The following PANX2 variants were observed in gnomAD, a reference collection of about 807,000 sequenced individuals.
PANX2 encodes pannexin 2.
A neutral mutation model predicts 38.7 loss-of-function variants in PANX2; 30 were observed. The ratio of observed to expected loss-of-function variants is 0.78; its 90% CI spans 0.58 to 1.05. The LOEUF (loss-of-function observed/expected upper bound fraction) is 1.05, where lower values mean the gene tolerates loss of function less well. Ranked by LOEUF, PANX2 falls within the 50% of genes least tolerant of loss-of-function variation. PANX2 has a pLI of 0.00. For synonymous variants in PANX2, 539 were observed against 472.1 expected, an observed-to-expected ratio of 1.14 and a Z score of -1.84; for missense variants, 880 against 979.3, an observed-to-expected ratio of 0.90 and a Z score of 1.35.
In PANX2 at chr22:50,178,940, C is replaced by T. The variant is rs777537673; in HGVS notation, c.1697C>T (p.Pro566Leu). 19 of 1,568,168 alleles carry T rather than the reference C, an allele frequency of 1.2e-5. No homozygotes were observed. Among genetic ancestry groups the T allele is most frequent in the Non-Finnish European group, 1.6e-5 (18 of 1,155,354 alleles). ...TGCTCTTGGCTGTTTGCAGATGCTC[C>T]GCTCCCCGAGAAGGAAATCCCGTAC... Reference protein sequence around the residue: ...GLAPAPIKDAPLPEKEIPYPT... With the variant: ...GLAPAPIKDALLPEKEIPYPT... Residue 566 changes from proline to leucine, a missense_variant, in exon 3 of 3, where the codon CCG becomes CTG. Physicochemically the swap from Pro to Leu is moderately conservative, Grantham distance 98. This residue lies in a region of PANX2 where 445 missense variants were observed against 404.3 expected (regional missense o/e 1.10). Coordinates refer to ENST00000395842, the MANE Select transcript of PANX2 (RefSeq NM_052839.4).
intron 1 of PANX2, among the ~76,000 whole-genome samples, chr22:50,172,144 G>GCCCC (rs2063635846): frequency 1.3e-5 from 2 of 152,166 alleles, no homozygotes; most frequent in African/African-American, 4.8e-5. Context: ...CTTGGGGCAG[G>GCCCC]CCCAGCATGT....
chr22:50,175,729 C>T (rs2063657693), intron 1 of PANX2, among the ~76,000 whole-genome samples: 1 of 152,200 alleles, frequency 6.6e-6, no homozygotes, highest in South Asian at 2.1e-4. Context: ...GGTAGATGTG[C>T]CTCAGTGGTG....
At chr22:50,175,402 A>G (rs1203206968) in intron 1 of PANX2, 2 of 1,260,822 alleles carry the variant, frequency 1.6e-6, no homozygotes, top group East Asian at 1.2e-4. Context: ...TCAGGACGGG[A>G]CACAAACCTG....
chr22:50,178,410 C>A lies in PANX2; in HGVS notation c.1690+8C>A. 1.4e-6 allele frequency: 2 copies of A among 1,398,568 alleles called. No individual in the cohort carries two copies. Among genetic ancestry groups the A allele is most frequent in the Non-Finnish European group, 1.9e-6 (2 of 1,080,974 alleles). The allele number at this position is 1,398,568 out of a possible 1,614,324, so 86.6% of individuals were successfully genotyped here. A position where few individuals can be genotyped will look rare whatever the true frequency, so the allele number is the denominator to read the frequency against. On this transcript the variant is annotated splice_region_variant and intron_variant, in intron 2 of 2. Transcript: ENST00000395842. ...CCCCGGCGCCCATCAAAGGTAGGGG[C>A]AGGGCCGGAGAGAGGGGACGGGGGA...
rs1569068797 is a variant in PANX2, at chr22:50,178,193, G to GGC, written c.1481_1482insGC (p.Ala496ProfsTer61). 41 of 1,464,918 alleles carry GGC rather than the reference G, an allele frequency of 2.8e-5. No homozygotes were observed. The highest frequency in any genetic ancestry group is 1.1e-4 in the Admixed American group (4 of 37,888). The allele number at this position is 1,464,918 out of a possible 1,614,324, so 90.7% of individuals were successfully genotyped here. On this transcript the variant is annotated frameshift_variant, in exon 2 of 3. Transcript: ENST00000395842. LOFTEE classifies it high-confidence loss of function. ...GGCGGAGGGGGCGACCCGGGCCCCG[G>GGC]CCCCGCCCCTGCCCCCGCCCCGCCG...
chr22:50,178,477 G>A (rs1156251396), intron 2 of PANX2, 75 bp downstream of exon 2: 8 of 1,068,932 alleles, frequency 7.5e-6, no homozygotes, highest in Non-Finnish European at 1.0e-5. Context: ...CGGCCCACGG[G>A]AGCCTGGCCA....
Position 50,178,929 on chromosome 22 carries a change from T to C in PANX2, c.1691-5T>C. ...TGAGATGTCTGTGCTCTTGGCTGTT[T>C]GCAGATGCTCCGCTCCCCGAGAAGG... On this transcript the variant is annotated splice_polypyrimidine_tract_variant and splice_region_variant and intron_variant, in intron 2 of 2. Transcript: ENST00000395842. The C allele has an allele frequency of 1.3e-6, 2 of 1,558,824 alleles. No homozygotes were observed. The highest frequency in any genetic ancestry group is 1.7e-6 in the Non-Finnish European group (2 of 1,150,842).
chr22:50,177,240 C>G lies in PANX2; in HGVS notation c.528C>G (p.Ile176Met), dbSNP rs1204941419. Residue 176 changes from isoleucine (I) to methionine (M), a missense_variant, in exon 2 of 3, where the codon ATC becomes ATG. By Grantham distance (10) the Ile-to-Met change is conservative. Around this residue, in one of 4 missense-constraint regions of PANX2, gnomAD observed 243 missense variants for 333.1 expected, o/e 0.73. Transcript: ENST00000395842. ...HRAAEGRAPKIEKQIQSKGPG... is the reference protein window; with the variant it reads ...HRAAEGRAPKMEKQIQSKGPG... ...CGGCCGAGGGCCGCGCGCCCAAGAT[C>G]GAGAAGCAGATCCAGTCCAAGGGCC... 6.2e-7 allele frequency: 1 copy of G among 1,612,210 alleles called. No individual in the cohort carries two copies. Among genetic ancestry groups the G allele is most frequent in the East Asian group, 2.2e-5 (1 of 44,862 alleles).
chr22:50,171,945 C>A (rs994843767), intron 1 of PANX2, among the ~76,000 whole-genome samples: 1 of 152,228 alleles, frequency 6.6e-6, no homozygotes, highest in Non-Finnish European at 1.5e-5. Context: ...CTTAAGGAGT[C>A]CCCGTGGCCT....
intron 1 of PANX2, among the ~76,000 whole-genome samples, chr22:50,175,214 G>A (rs2063655516): frequency 6.6e-6 from 1 of 152,178 alleles, no homozygotes; most frequent in Non-Finnish European, 1.5e-5. Context: ...TCGGTGTGGG[G>A]CCCCTGCTTT....
At position 50,179,120 on chromosome 22, in the gene PANX2, T is replaced by C; in HGVS notation, c.1877T>C (p.Leu626Pro). ...AGCCGAAACGCCACACACCCGCTGC[T>C]GCACATCAACACGCTGTACGAGGCC... Reference protein sequence around the residue: ...ILSRNATHPLLHINTLYEARE... With the variant: ...ILSRNATHPLPHINTLYEARE... The change falls in exon 3 of 3, where the codon CTG becomes CCG. Residue 626 changes from leucine to proline, a missense_variant. Around this residue, in one of 4 missense-constraint regions of PANX2, gnomAD observed 445 missense variants for 404.3 expected, o/e 1.10. Coordinates refer to ENST00000395842, the MANE Select transcript of PANX2 (RefSeq NM_052839.4). The C allele has an allele frequency of 1.2e-6, 2 of 1,612,216 alleles. No individual in the cohort carries two copies. Among genetic ancestry groups the C allele is most frequent in the Non-Finnish European group, 1.7e-6 (2 of 1,179,610 alleles).
chr22:50,179,351 C>A lies in PANX2; in HGVS notation c.*74C>A. On this transcript the variant is annotated 3_prime_UTR_variant, in exon 3 of 3. Coordinates refer to ENST00000395842, the MANE Select transcript of PANX2 (RefSeq NM_052839.4). ...GGCCTGGCCAGCCTCCCGGTGGACACCAGCCCTGCGTGGACGTGGCCTGTG... is the reference window on the plus strand; with the variant it reads ...GGCCTGGCCAGCCTCCCGGTGGACAACAGCCCTGCGTGGACGTGGCCTGTG... 2.2e-6 allele frequency: 3 copies of A among 1,355,168 alleles called. No individual in the cohort carries two copies. Among genetic ancestry groups the A allele is most frequent in the East Asian group, 4.8e-5 (2 of 41,492 alleles). 83.9% of individuals were successfully genotyped at this position (1,355,168 alleles called of 1,614,324 possible). A position where few individuals can be genotyped will look rare whatever the true frequency, so the allele number is the denominator to read the frequency against.
At chr22:50,176,749 C>T (rs1475683930) in intron 1 of PANX2, among the ~76,000 whole-genome samples, 190 bp from the exon 2 acceptor site, 1 of 152,088 alleles carries the variant, frequency 6.6e-6, no homozygotes, top group Non-Finnish European at 1.5e-5. Flanking sequence ...GTAGTCAGGG[C>T]GGGACCCCCA....
At chr22:50,172,895 A>ATTTTT (rs1165494263) in intron 1 of PANX2, among the ~76,000 whole-genome samples, 28 of 87,082 alleles carry the variant, frequency 3.2e-4, no homozygotes, top group African/African-American at 1.0e-3. Context: ...CGCCTGGCTC[A>ATTTTT]TTTTTTTTTT....
At chr22:50,175,506 C>T in intron 1 of PANX2, 1 of 1,237,240 alleles carries the variant, frequency 8.1e-7, no homozygotes, top group Non-Finnish European at 1.1e-6. Flanking sequence ...GCCATTTTCT[C>T]AACCAAGAGA....
Position 50,179,297 on chromosome 22 carries a change from C to A in PANX2, c.*20C>A. ...TTTTGAGGGATGGCACCGTCCAGGC[C>A]GCCGAGAGCCCCTCTGCCTGTGTCG... is the stretch of plus-strand genomic sequence containing the variant. On this transcript the variant is annotated 3_prime_UTR_variant, in exon 3 of 3. Coordinates refer to ENST00000395842, the MANE Select transcript of PANX2 (RefSeq NM_052839.4). The A allele has an allele frequency of 6.3e-7, 1 of 1,597,176 alleles. No individual in the cohort carries two copies. The highest frequency in any genetic ancestry group is 8.6e-7 in the Non-Finnish European group (1 of 1,169,398).
chr22:50,179,370 G>A lies in PANX2; in HGVS notation c.*93G>A. The A allele has an allele frequency of 1.7e-6, 2 of 1,189,884 alleles. No individual in the cohort carries two copies. Among genetic ancestry groups the A allele is most frequent in the Non-Finnish European group, 2.4e-6 (2 of 832,306 alleles). 73.7% of individuals were successfully genotyped at this position (1,189,884 alleles called of 1,614,324 possible). A position where few individuals can be genotyped will look rare whatever the true frequency, so the allele number is the denominator to read the frequency against. ...TGGACACCAGCCCTGCGTGGACGTG[G>A]CCTGTGCTTCGCCCGCACTGCGCGC... On this transcript the variant is annotated 3_prime_UTR_variant, in exon 3 of 3. Coordinates refer to ENST00000395842, the MANE Select transcript of PANX2 (RefSeq NM_052839.4).
rs201092455 is a variant in PANX2, at chr22:50,179,288, C to T, written c.*11C>T. Reference sequence around the variant, plus strand: ...ACTGTGGAGTTTTGAGGGATGGCACCGTCCAGGCCGCCGAGAGCCCCTCTG... The same window carrying T: ...ACTGTGGAGTTTTGAGGGATGGCACTGTCCAGGCCGCCGAGAGCCCCTCTG... On this transcript the variant is annotated 3_prime_UTR_variant, in exon 3 of 3. Transcript: ENST00000395842. The T allele has an allele frequency of 3.7e-6, 6 of 1,605,930 alleles. No homozygotes were observed. Among genetic ancestry groups the T allele is most frequent in the Admixed American group, 1.7e-5 (1 of 59,662 alleles).
rs1234217985 is a variant in PANX2 at position 50,178,353 on chromosome 22, G to T, written c.1641G>T (p.Leu547=). 2 of 1,490,596 alleles carry T rather than the reference G, an allele frequency of 1.3e-6. No individual in the cohort carries two copies. The highest frequency in any genetic ancestry group is 1.3e-5 in the South Asian group (1 of 76,690). 92.3% of individuals were successfully genotyped at this position (1,490,596 alleles called of 1,614,324 possible). A position where few individuals can be genotyped will look rare whatever the true frequency, so the allele number is the denominator to read the frequency against. ...CCCGGAGCCAGGAGGGGGGCTTCCT[G>T]TCCCAGGCGGAGGACTGTGGGCTAG... is the stretch of plus-strand genomic sequence containing the variant. The part of the protein sequence containing the change: ...PASRSQEGGF[L]SQAEDCGLGL... The change falls in exon 2 of 3, where the codon CTG becomes CTT. Residue 547 remains leucine, a synonymous_variant. Coordinates refer to ENST00000395842, the MANE Select transcript of PANX2 (RefSeq NM_052839.4).
Sources: allele counts gnomAD v4.1 joint callset (sites outside exome capture counted in the v4.1 genomes callset), GRCh38; gene constraint gnomAD v4.1.1; regional missense constraint gnomAD v4.1.1; transcripts MANE v1.5; gene names NCBI Gene and HGNC (gene_info 2026-07-23, HGNC 2026-07-21).